SYNGR4: variants seen among roughly 807,000 people sequenced by gnomAD.
SYNGR4 encodes synaptogyrin-4.
SYNGR4 carries 15 observed loss-of-function variants against 15.5 expected under a neutral mutation model. The observed-to-expected ratio is 0.97, with a 90% CI of 0.65 to 1.49. The LOEUF is 1.49. SYNGR4 is among the 40% of genes most tolerant of loss of function. SYNGR4 has a pLI of 0.00. For synonymous variants in SYNGR4, 121 were observed against 127.4 expected (o/e 0.95, Z 0.34); for missense variants, 292 against 299.3 (o/e 0.98, Z 0.18).
At chr19:48,375,874 C>A in intron 4 of SYNGR4, 122 bp downstream of exon 4, 2 of 1,523,398 alleles carry the variant, frequency 1.3e-6, no homozygotes, top group Non-Finnish European at 1.7e-6. Context: ...CGGGGGTTCC[C>A]CCAGGACTCC....
chr19:48,372,039 C>T (rs951561608), intron 2 of SYNGR4, among the ~76,000 whole-genome samples: 3 of 151,832 alleles, frequency 2.0e-5, no homozygotes, highest in South Asian at 4.2e-4. Context: ...ACCACCACAC[C>T]CAGCTATTTT....
At position 48,368,396 on chromosome 19, in the gene SYNGR4, T is replaced by C. The variant is rs188352511; in HGVS notation, c.93+2461T>C. ...GTGATTTTTTTTTCTTTTTCTTTCT[T>C]TTTTTTGAGACAGACCCTTGCTCTG... On this transcript the variant is annotated intron_variant, in intron 2 of 4. Coordinates refer to ENST00000344846, the MANE Select transcript of SYNGR4 (RefSeq NM_012451.4). Among the ~76,000 whole-genome samples the C allele has an allele frequency of 2.6e-4, 40 of 152,260 alleles. 2 individuals carry two copies. In the East Asian group the frequency reaches 4.6e-3, roughly 18 times the overall value.
At position 48,365,724 on chromosome 19, in the gene SYNGR4, G is replaced by A; in HGVS notation, c.-107-12G>A. The A allele has an allele frequency of 1.0e-6, 1 of 995,606 alleles. No individual in the cohort carries two copies. Among genetic ancestry groups the A allele is most frequent in the Non-Finnish European group, 1.5e-6 (1 of 688,034 alleles). The allele number at this position is 995,606 out of a possible 1,614,324, so 61.7% of individuals were successfully genotyped here. ...CCCCTGACTGGCATCCCCCATCTGT[G>A]TCATCCCACAGCAGCCAAGCCCAGG... On this transcript the variant is annotated splice_polypyrimidine_tract_variant and intron_variant, in intron 1 of 4. Coordinates refer to ENST00000344846, the MANE Select transcript of SYNGR4 (RefSeq NM_012451.4).
At chr19:48,372,649 C>CAA (rs994483718) in intron 2 of SYNGR4, among the ~76,000 whole-genome samples, 5 of 131,746 alleles carry the variant, frequency 3.8e-5, no homozygotes, top group Non-Finnish European at 4.9e-5. Context: ...ACTCTGTCTC[C>CAA]AAAAAAAAAA....
intron 1 of SYNGR4, 75 bp downstream of exon 1, chr19:48,364,612 G>A (rs1486435470): frequency 2.0e-5 from 3 of 152,178 alleles, no homozygotes; most frequent in African/African-American, 4.8e-5. Flanking sequence ...AGCTTGAGGA[G>A]GTGCACTTCC....
intron 2 of SYNGR4, among the ~76,000 whole-genome samples, chr19:48,371,013 A>C (rs1227809278): frequency 6.6e-6 from 1 of 152,014 alleles, no homozygotes; most frequent in Admixed American, 6.6e-5. Context: ...GAATCCTCCC[A>C]TGCATAATAT....
At chr19:48,369,445 C>T (rs1294298911) in intron 2 of SYNGR4, among the ~76,000 whole-genome samples, 3 of 152,184 alleles carry the variant, frequency 2.0e-5, no homozygotes, top group Middle Eastern at 3.2e-3. Flanking sequence ...TCCAATCCCC[C>T]TTTCACCACT....
chr19:48,374,172 G>C (rs1183186228), intron 3 of SYNGR4, among the ~76,000 whole-genome samples: 1 of 151,234 alleles, frequency 6.6e-6, no homozygotes, highest in African/African-American at 2.4e-5. Context: ...CCGCCTCCCG[G>C]GTTCAAGCGA....
At chr19:48,371,431 G>C (rs965737590) in intron 2 of SYNGR4, among the ~76,000 whole-genome samples, 1 of 152,198 alleles carries the variant, frequency 6.6e-6, no homozygotes, top group Non-Finnish European at 1.5e-5. Flanking sequence ...AATCACTGGG[G>C]CTTCAAATTT....
At chr19:48,371,203 C>T (rs965664799) in intron 2 of SYNGR4, among the ~76,000 whole-genome samples, 2 of 152,210 alleles carry the variant, frequency 1.3e-5, no homozygotes, top group Non-Finnish European at 2.9e-5. Flanking sequence ...GCCATCCACC[C>T]TGCCGGGAAT....
chr19:48,365,995 T>C, intron 2 of SYNGR4, 60 bp downstream of exon 2: 1 of 1,559,154 alleles, frequency 6.4e-7, no homozygotes, highest in Non-Finnish European at 8.8e-7. Context: ...AGCTCTCAAC[T>C]CCCAGACACA....
chr19:48,374,662 C>T lies in SYNGR4; in HGVS notation c.331+908C>T, dbSNP rs151111560. On this transcript the variant is annotated intron_variant, in intron 3 of 4. Transcript: ENST00000344846. ...TCTCATGCAGGAGCCACTGACCACC[C>T]GTGGCTATTAAGCACTTGAAATGCA... Among the ~76,000 whole-genome samples the T allele has an allele frequency of 4.9e-4, 75 of 152,254 alleles. 1 individual carries two copies. Among genetic ancestry groups the T allele is most frequent in the African/African-American group, 1.8e-3 (75 of 41,546 alleles).
intron 3 of SYNGR4, among the ~76,000 whole-genome samples, chr19:48,374,233 A>G (rs1415867837): frequency 6.6e-6 from 1 of 151,814 alleles, no homozygotes; most frequent in Non-Finnish European, 1.5e-5. Flanking sequence ...GCACACCACC[A>G]CACCCGGCTA....
chr19:48,366,099 A>G (rs75109426), intron 2 of SYNGR4, among the ~76,000 whole-genome samples, 164 bp downstream of exon 2: 5,252 of 152,258 alleles, frequency 0.034, 303 homozygotes, highest in African/African-American at 0.12. Flanking sequence ...ACCCCACTAT[A>G]GGCCCTATGC....
At chr19:48,364,765 G>A (rs1362494292) in intron 1 of SYNGR4, among the ~76,000 whole-genome samples, 3 of 151,938 alleles carry the variant, frequency 2.0e-5, no homozygotes, top group Admixed American at 6.6e-5. Flanking sequence ...GGGATTATTC[G>A]GTTTCAGACC....
intron 2 of SYNGR4, among the ~76,000 whole-genome samples, chr19:48,367,179 TCCCA>T (rs1970235804): frequency 6.7e-6 from 1 of 149,254 alleles, no homozygotes; most frequent in South Asian, 2.1e-4. Flanking sequence ...ACACCTGTAA[TCCCA>T]GCACTTTGGG....
intron 2 of SYNGR4, 158 bp from the exon 3 acceptor site, chr19:48,373,359 C>T: frequency 1.5e-6 from 1 of 673,270 alleles, no homozygotes. Flanking sequence ...GGACGAGGGG[C>T]AGGAAGCTGA....
In SYNGR4 at chr19:48,368,984, C is replaced by G. The variant is rs566391514; in HGVS notation, c.93+3049C>G. 1.4e-4 allele frequency among the ~76,000 whole-genome samples: 21 copies of G among 152,312 alleles called. No individual in the cohort carries two copies. In the South Asian group the frequency reaches 3.3e-3, roughly 24 times the overall value. ...CGGATCCACCCACCTATCTGGAAAG[C>G]CTCGGAAGGCAGGGCGGGTGGCAAG... On this transcript the variant is annotated intron_variant, in intron 2 of 4. Transcript: ENST00000344846.
chr19:48,370,043 G>A (rs759582528), intron 2 of SYNGR4, among the ~76,000 whole-genome samples: 12 of 152,328 alleles, frequency 7.9e-5, no homozygotes, highest in Middle Eastern at 6.8e-3. Flanking sequence ...GGAGAAGGGA[G>A]GATGGACGGA....
Sources: allele counts gnomAD v4.1 joint callset (sites outside exome capture counted in the v4.1 genomes callset), GRCh38; gene constraint gnomAD v4.1.1; transcripts MANE v1.5; gene names NCBI Gene and HGNC (gene_info 2026-07-23, HGNC 2026-07-21).